CADM2: variants seen among roughly 807,000 people sequenced by gnomAD.
CADM2 encodes immunoglobulin superfamily member 4D.
Under a neutral mutation model 49.8 loss-of-function variants are expected in CADM2, and 12 were observed. That is an observed-to-expected ratio of 0.24 (90% CI 0.15 to 0.39). CADM2 has a LOEUF of 0.39. CADM2 is among the 10% of genes least tolerant of loss of function. CADM2 has a pLI of 1.00. For missense variants in CADM2, 378 were observed against 492.3 expected, an observed-to-expected ratio of 0.77 and a Z score of 2.20; for synonymous variants, 214 against 175.4, an observed-to-expected ratio of 1.22 and a Z score of -1.74.
intron 3 of CADM2, among the ~76,000 whole-genome samples, chr3:85,823,019 T>G (rs1358436099): frequency 6.6e-6 from 1 of 152,190 alleles, no homozygotes; most frequent in South Asian, 2.1e-4. Flanking sequence ...AGAAAGATCT[T>G]TAAAGATACC....
At chr3:85,212,224 C>A (rs1042116965) in intron 1 of CADM2, among the ~76,000 whole-genome samples, 2 of 151,900 alleles carry the variant, frequency 1.3e-5, no homozygotes, top group African/African-American at 4.8e-5. Context: ...TTAATATATT[C>A]GGCCACCCTA....
At chr3:85,395,410 T>C (rs2034733293) in intron 1 of CADM2, among the ~76,000 whole-genome samples, 1 of 151,952 alleles carries the variant, frequency 6.6e-6, no homozygotes, top group South Asian at 2.1e-4. Flanking sequence ...TGTAACATTA[T>C]TACTTTAAAA....
At chr3:85,041,146 T>C (rs2035423621) in intron 1 of CADM2, among the ~76,000 whole-genome samples, 1 of 152,192 alleles carries the variant, frequency 6.6e-6, no homozygotes, top group Admixed American at 6.6e-5. Flanking sequence ...TAATAACTGG[T>C]TTTGTTTCTT....
At chr3:85,891,625 C>T (rs927388665) in intron 5 of CADM2, among the ~76,000 whole-genome samples, 2 of 152,142 alleles carry the variant, frequency 1.3e-5, no homozygotes, top group Non-Finnish European at 2.9e-5. Flanking sequence ...GTCAGAGAGA[C>T]ATTATTTTCC....
chr3:85,490,842 T>C (rs1490004795), intron 1 of CADM2, among the ~76,000 whole-genome samples: 1 of 151,658 alleles, frequency 6.6e-6, no homozygotes. Flanking sequence ...CTCTTTGTTC[T>C]GAGAGTAAAA....
intron 2 of CADM2, among the ~76,000 whole-genome samples, chr3:85,778,796 T>G (rs2070486040): frequency 6.6e-6 from 1 of 152,184 alleles, no homozygotes; most frequent in South Asian, 2.1e-4. Context: ...TTAGCCTCAC[T>G]CTCCCTTTCT....
chr3:85,013,268 C>CT (rs905535847), intron 1 of CADM2, among the ~76,000 whole-genome samples: 2 of 151,814 alleles, frequency 1.3e-5, no homozygotes, highest in African/African-American at 4.8e-5. Flanking sequence ...TCTATTTTAT[C>CT]TTTTTTGTAT....
At chr3:85,774,184 A>G (rs1270269967) in intron 2 of CADM2, among the ~76,000 whole-genome samples, 2 of 151,866 alleles carry the variant, frequency 1.3e-5, no homozygotes, top group East Asian at 3.9e-4. Flanking sequence ...AAGAACAAAT[A>G]CGGTAAATGT....
chr3:85,679,997 C>A (rs573341092), intron 1 of CADM2, among the ~76,000 whole-genome samples: 1 of 151,928 alleles, frequency 6.6e-6, no homozygotes, highest in South Asian at 2.1e-4. Context: ...AATATAAATA[C>A]CCATAAAACA....
chr3:85,847,892 G>C lies in CADM2; in HGVS notation c.239-35399G>C, dbSNP rs2074946578. Among the ~76,000 whole-genome samples the C allele has an allele frequency of 2.6e-5, 4 of 152,080 alleles. No individual in the cohort carries two copies. In the South Asian group the frequency reaches 8.3e-4, roughly 32 times the overall value. ...TCTACTGCCGTCCTTGGCTGAACCA[G>C]TTCTAGCCACCTATTTTTTTCTAGT... On this transcript the variant is annotated intron_variant, in intron 3 of 9. Coordinates refer to ENST00000383699, the MANE Select transcript of CADM2 (RefSeq NM_001167675.2).
At chr3:85,991,800 T>TA (rs1728801531) in intron 8 of CADM2, among the ~76,000 whole-genome samples, 2 of 152,136 alleles carry the variant, frequency 1.3e-5, no homozygotes, top group Admixed American at 1.3e-4. Flanking sequence ...TATTAATTGA[T>TA]ACCATTTTCG....
At chr3:85,837,195 T>C (rs2074450356) in intron 3 of CADM2, among the ~76,000 whole-genome samples, 3 of 151,598 alleles carry the variant, frequency 2.0e-5, no homozygotes, top group Non-Finnish European at 4.4e-5. Context: ...CTTCATGTGT[T>C]ATAATGTTTG....
intron 1 of CADM2, among the ~76,000 whole-genome samples, chr3:85,243,531 A>G (rs1420001105): frequency 6.6e-6 from 1 of 152,064 alleles, no homozygotes; most frequent in Non-Finnish European, 1.5e-5. Context: ...TCTGAAAGTA[A>G]TAATACTTTG....
At chr3:86,055,244 G>A (rs1411821366) in intron 8 of CADM2, among the ~76,000 whole-genome samples, 3 of 151,976 alleles carry the variant, frequency 2.0e-5, no homozygotes, top group Non-Finnish European at 4.4e-5. Flanking sequence ...CATTTGGTCT[G>A]CTATAACAAA....
intron 8 of CADM2, among the ~76,000 whole-genome samples, chr3:86,037,616 G>C (rs1364123526): frequency 6.6e-6 from 1 of 151,974 alleles, no homozygotes; most frequent in East Asian, 1.9e-4. Flanking sequence ...CACCTGAAAG[G>C]CTAGGTTTTA....
At chr3:85,705,512 AC>A (rs2066916828) in intron 1 of CADM2, among the ~76,000 whole-genome samples, 1 of 152,170 alleles carries the variant, frequency 6.6e-6, no homozygotes, top group Non-Finnish European at 1.5e-5. Flanking sequence ...CACTGTATAG[AC>A]AATTTTAATA....
intron 8 of CADM2, among the ~76,000 whole-genome samples, chr3:86,034,604 T>TC (rs2107179025): frequency 6.6e-6 from 1 of 152,192 alleles, no homozygotes; most frequent in South Asian, 2.1e-4. Flanking sequence ...TAAGACAGCA[T>TC]CCGTGTACTG....
intron 3 of CADM2, among the ~76,000 whole-genome samples, chr3:85,812,771 C>G (rs2072959529): frequency 6.6e-6 from 1 of 152,056 alleles, no homozygotes; most frequent in South Asian, 2.1e-4. Context: ...CCTTGTTCAA[C>G]TACCACTTAT....
intron 1 of CADM2, among the ~76,000 whole-genome samples, chr3:85,158,336 A>T (rs1165374589): frequency 1.4e-4 from 22 of 152,336 alleles, no homozygotes; most frequent in Admixed American, 1.4e-3. Context: ...CCATCCCATT[A>T]CTGGGTATAT....
Sources: allele counts gnomAD v4.1 joint callset (sites outside exome capture counted in the v4.1 genomes callset), GRCh38; gene constraint gnomAD v4.1.1; transcripts MANE v1.5; gene names NCBI Gene and HGNC (gene_info 2026-07-23, HGNC 2026-07-21).